The following PARN variants were observed in gnomAD, a reference collection of about 807,000 sequenced individuals.
PARN encodes the protein poly(A)-specific ribonuclease PARN.
Under a neutral mutation model 102.8 loss-of-function variants are expected in PARN, and 71 were observed. That is an observed-to-expected ratio of 0.69 (90% CI 0.57 to 0.84). The LOEUF (loss-of-function observed/expected upper bound fraction) is 0.84, where lower values mean the gene tolerates loss of function less well. PARN is among the 40% of genes least tolerant of loss of function. The probability of loss-of-function intolerance (pLI) is 0.00; values close to 1 mark genes in which losing one functional copy is unlikely to be tolerated. For missense variants in PARN, 782 were observed against 760.9 expected (o/e 1.03, Z -0.33); for synonymous variants, 261 against 252.9 (o/e 1.03, Z -0.30).
chr16:14,553,953 C>A, intron 20 of PARN, 112 bp downstream of exon 20: 3 of 673,940 alleles, frequency 4.5e-6, no homozygotes, highest in Non-Finnish European at 7.7e-6. Context: ...AAATTAAAAC[C>A]TTGAATATTA....
At chr16:14,486,849 C>T (rs759844001) in intron 21 of PARN, among the ~76,000 whole-genome samples, 10 of 152,248 alleles carry the variant, frequency 6.6e-5, no homozygotes, top group Admixed American at 1.3e-4. Flanking sequence ...CTGGGTAAAA[C>T]TAACCTTTTC....
chr16:14,628,295 T>C, intron 2 of PARN, 44 bp from the exon 3 acceptor site: 1 of 1,118,832 alleles, frequency 8.9e-7, no homozygotes, highest in African/African-American at 1.6e-5. Flanking sequence ...TAATAAATAC[T>C]AACGTAAAAA....
chr16:14,503,645 A>G (rs1272743736), intron 21 of PARN, among the ~76,000 whole-genome samples: 4 of 152,212 alleles, frequency 2.6e-5, no homozygotes, highest in Non-Finnish European at 4.4e-5. Flanking sequence ...TGCATCTACC[A>G]AAATGGTCTG....
chr16:14,555,104 G>GTCA (rs1336428626), intron 19 of PARN, among the ~76,000 whole-genome samples: 1 of 152,124 alleles, frequency 6.6e-6, no homozygotes, highest in Non-Finnish European at 1.5e-5. Context: ...AACAATTATT[G>GTCA]TCACCAAGTA....
intron 12 of PARN, among the ~76,000 whole-genome samples, chr16:14,595,688 C>T (rs1374309708): frequency 6.6e-6 from 1 of 152,076 alleles, no homozygotes; most frequent in African/African-American, 2.4e-5. Context: ...GGCACCACCA[C>T]ACCAGCTAAT....
At chr16:14,548,780 C>T (rs566634070) in intron 21 of PARN, among the ~76,000 whole-genome samples, 1 of 152,118 alleles carries the variant, frequency 6.6e-6, no homozygotes, top group African/African-American at 2.4e-5. Flanking sequence ...CATAGCAAAA[C>T]CCTGTCTCTA....
intron 9 of PARN, among the ~76,000 whole-genome samples, chr16:14,607,208 T>C (rs1971241718): frequency 6.6e-6 from 1 of 152,126 alleles, no homozygotes; most frequent in Non-Finnish European, 1.5e-5. Context: ...TTTTATTTTA[T>C]TTATTTATTT....
intron 22 of PARN, among the ~76,000 whole-genome samples, chr16:14,473,475 C>T (rs758249987): frequency 4.6e-5 from 7 of 152,234 alleles, no homozygotes; most frequent in Middle Eastern, 3.4e-3. Flanking sequence ...AAGGGATAAG[C>T]AAATTGTAAA....
At chr16:14,591,595 A>G (rs537103198) in intron 13 of PARN, among the ~76,000 whole-genome samples, 81 of 152,296 alleles carry the variant, frequency 5.3e-4, no homozygotes, top group Non-Finnish European at 1.0e-3. Context: ...TGCAGCATGG[A>G]AAGCTGAAAA....
chr16:14,590,148 G>C (rs1406162625), intron 13 of PARN, among the ~76,000 whole-genome samples: 1 of 148,766 alleles, frequency 6.7e-6, no homozygotes, highest in African/African-American at 2.5e-5. Context: ...CTACTCGGGG[G>C]GCTGAGTCAA....
chr16:14,581,369 C>T (rs906733767), intron 17 of PARN, among the ~76,000 whole-genome samples: 1 of 152,074 alleles, frequency 6.6e-6, no homozygotes, highest in Non-Finnish European at 1.5e-5. Flanking sequence ...GGTATTCTTA[C>T]GCACCAAGTA....
intron 21 of PARN, among the ~76,000 whole-genome samples, chr16:14,543,552 T>C (rs1275344712): frequency 6.6e-6 from 1 of 152,240 alleles, no homozygotes. Context: ...GGAATGGTTG[T>C]AAATGAACCT....
At position 14,553,274 on chromosome 16, in the gene PARN, A is replaced by G. The variant is rs932827254; in HGVS notation, c.1405+791T>C. On this transcript the variant is annotated intron_variant, in intron 20 of 23. Transcript: ENST00000437198. ...TTCTATTTAAAAAAAAAAAAAAAAA[A>G]AAAAGAAAGAAAATGAAAAATGGTG... Among the ~76,000 whole-genome samples the G allele has an allele frequency of 5.7e-4, 86 of 150,986 alleles. No individual in the cohort carries two copies. The East Asian group carries it at 0.014, about 25-fold the overall frequency.
intron 15 of PARN, 89 bp from the exon 16 acceptor site, chr16:14,584,511 A>C (rs1444389871): frequency 1.7e-5 from 18 of 1,056,136 alleles, no homozygotes; most frequent in Non-Finnish European, 2.6e-5. Flanking sequence ...AAAAAAAGAC[A>C]GCATCTAGTA....
intron 21 of PARN, among the ~76,000 whole-genome samples, chr16:14,526,211 C>T (rs1965993000): frequency 6.8e-6 from 1 of 146,548 alleles, no homozygotes; most frequent in African/African-American, 2.5e-5. Flanking sequence ...GAGTCTTGCT[C>T]TGTCACCCAG....
chr16:14,500,176 C>G (rs1964510966), intron 21 of PARN, among the ~76,000 whole-genome samples: 1 of 152,116 alleles, frequency 6.6e-6, no homozygotes, highest in Non-Finnish European at 1.5e-5. Context: ...CCACCTCAGC[C>G]TCTCAAGGAA....
intron 23 of PARN, among the ~76,000 whole-genome samples, chr16:14,446,194 G>C (rs1335960036): frequency 6.6e-6 from 1 of 152,200 alleles, no homozygotes; most frequent in Non-Finnish European, 1.5e-5. Flanking sequence ...GAAGGGCTGA[G>C]TGAGGCACAT....
At chr16:14,571,583 T>C (rs1028840931) in intron 18 of PARN, among the ~76,000 whole-genome samples, 6 of 112,786 alleles carry the variant, frequency 5.3e-5, no homozygotes, top group African/African-American at 2.1e-4. Flanking sequence ...CAGTGCATCA[T>C]ACAACATCTT....
At chr16:14,479,134 C>G (rs937984189) in intron 22 of PARN, among the ~76,000 whole-genome samples, 7 of 152,144 alleles carry the variant, frequency 4.6e-5, no homozygotes, top group African/African-American at 1.7e-4. Flanking sequence ...AGAAACAATT[C>G]CAGGCCAGGC....
Sources: allele counts gnomAD v4.1 joint callset (sites outside exome capture counted in the v4.1 genomes callset), GRCh38; gene constraint gnomAD v4.1.1; transcripts MANE v1.5; gene names NCBI Gene and HGNC (gene_info 2026-07-23, HGNC 2026-07-21).